Variants in PREP observed in about 807,000 individuals in gnomAD.
PREP encodes the protein prolyl endopeptidase.
PREP carries 29 observed loss-of-function variants against 87.6 expected under a neutral mutation model. That is an observed-to-expected ratio of 0.33 (90% confidence interval 0.25 to 0.45). The LOEUF is 0.45. PREP is among the 20% of genes least tolerant of loss of function. The pLI, the probability that PREP is intolerant of heterozygous loss-of-function variation, is 1.00. For synonymous variants in PREP, 337 were observed against 328.6 expected (o/e 1.03, Z -0.28); for missense variants, 695 against 886.5 (o/e 0.78, Z 2.74).
At chr6:105,377,689 C>G (rs1445130178) in intron 2 of PREP, among the ~76,000 whole-genome samples, 170 bp from the exon 3 acceptor site, 1 of 152,204 alleles carries the variant, frequency 6.6e-6, no homozygotes, top group Non-Finnish European at 1.5e-5. Flanking sequence ...CTGCCCAGCT[C>G]CTGCCAAGTG....
rs1488378336 is a variant in PREP, at chr6:105,373,786, C to T, written c.386-208G>A. 2.6e-5 allele frequency among the ~76,000 whole-genome samples: 4 copies of T among 152,310 alleles called. No individual in the cohort carries two copies. The East Asian group carries it at 7.7e-4, about 29-fold the overall frequency. On this transcript the variant is annotated intron_variant, in intron 4 of 14. Transcript: ENST00000652536. ...ACCTTAGACAAGCTTCCTAACCTCTCCAGGTCTTAATTTGTCTATAAAATG... is the reference window on the plus strand; with the variant it reads ...ACCTTAGACAAGCTTCCTAACCTCTTCAGGTCTTAATTTGTCTATAAAATG...
chr6:105,370,817 C>T (rs1031315155), intron 5 of PREP, among the ~76,000 whole-genome samples: 1 of 151,962 alleles, frequency 6.6e-6, no homozygotes, highest in East Asian at 1.9e-4. Flanking sequence ...CTGGAAAAGA[C>T]AAAACTATAA....
At chr6:105,402,826 G>A (rs1773470455) in intron 1 of PREP, 21 bp downstream of exon 1, 2 of 1,538,574 alleles carry the variant, frequency 1.3e-6, no homozygotes, top group Non-Finnish European at 1.8e-6. Context: ...GAGCCCTCTG[G>A]GCGGAGGCAG....
intron 10 of PREP, among the ~76,000 whole-genome samples, chr6:105,312,288 C>T (rs1196599706): frequency 2.0e-5 from 3 of 152,148 alleles, no homozygotes; most frequent in Non-Finnish European, 4.4e-5. Flanking sequence ...CAAATGTACA[C>T]ACATAGAGGC....
intron 9 of PREP, 47 bp from the exon 10 acceptor site, chr6:105,323,815 T>C (rs749644663): frequency 6.8e-7 from 1 of 1,467,984 alleles, no homozygotes; most frequent in Non-Finnish European, 9.5e-7. Context: ...ACTCACTAGA[T>C]TCAAAGGGGG....
At chr6:105,305,825 C>T (rs913513641) in intron 10 of PREP, among the ~76,000 whole-genome samples, 6 of 145,334 alleles carry the variant, frequency 4.1e-5, no homozygotes, top group African/African-American at 5.1e-5. Context: ...TACTTTTAAT[C>T]TTACAGATAT....
At chr6:105,400,292 G>A (rs1253890915) in intron 1 of PREP, among the ~76,000 whole-genome samples, 1 of 152,112 alleles carries the variant, frequency 6.6e-6, no homozygotes, top group South Asian at 2.1e-4. Context: ...TATTTTACTT[G>A]TACTGTTCAA....
chr6:105,367,722 C>T (rs1772427358), intron 6 of PREP, among the ~76,000 whole-genome samples: 1 of 151,696 alleles, frequency 6.6e-6, no homozygotes, highest in Non-Finnish European at 1.5e-5. Context: ...AACAAAATGT[C>T]CTATAAATTT....
Position 105,276,824 on chromosome 6 carries a change from T to C in PREP, c.*1320A>G, listed in dbSNP as rs1039277517. Reference sequence around the variant, plus strand: ...TAATTTTTGACCATAACTTGAAACGTAGAGAATGAGAGAGTGCTCTTAAAA... The same window carrying C: ...TAATTTTTGACCATAACTTGAAACGCAGAGAATGAGAGAGTGCTCTTAAAA... On this transcript the variant is annotated 3_prime_UTR_variant, in exon 15 of 15. Transcript: ENST00000652536. Among the ~76,000 whole-genome samples, 2 of 152,292 alleles carry C rather than the reference T, an allele frequency of 1.3e-5. No individual in the cohort carries two copies. The highest frequency in any genetic ancestry group is 2.1e-4 in the South Asian group (1 of 4,830).
intron 8 of PREP, 60 bp downstream of exon 8, chr6:105,333,254 A>G: frequency 6.7e-7 from 1 of 1,482,784 alleles, no homozygotes; most frequent in Non-Finnish European, 9.4e-7. Context: ...GAGACGCACT[A>G]ACTTGTTGAT....
intron 2 of PREP, among the ~76,000 whole-genome samples, chr6:105,379,607 G>C (rs1772782971): frequency 6.6e-6 from 1 of 152,194 alleles, no homozygotes; most frequent in South Asian, 2.1e-4. Flanking sequence ...AAAGGATGTG[G>C]AGATGAAGCA....
intron 10 of PREP, among the ~76,000 whole-genome samples, chr6:105,308,928 G>A (rs1396522439): frequency 5.9e-5 from 9 of 152,112 alleles, no homozygotes; most frequent in Admixed American, 3.9e-4. Context: ...AGGATGGAGA[G>A]CGAAGGAGTC....
chr6:105,276,050 A>G lies in PREP; in HGVS notation c.*2094T>C, dbSNP rs560867383. ...AAAGAGCCAAAGGGCAGAGCACAGG[A>G]TACAGAAAAGTGGGATCAAATAGAG... On this transcript the variant is annotated 3_prime_UTR_variant, in exon 15 of 15. Transcript: ENST00000652536. 6.6e-6 allele frequency among the ~76,000 whole-genome samples: 1 copy of G among 152,374 alleles called. No individual in the cohort carries two copies. The highest frequency in any genetic ancestry group is 1.9e-4 in the East Asian group (1 of 5,190).
intron 2 of PREP, among the ~76,000 whole-genome samples, chr6:105,380,041 T>C (rs1379408446): frequency 6.6e-6 from 1 of 152,232 alleles, no homozygotes; most frequent in Admixed American, 6.5e-5. Flanking sequence ...GACATTACTA[T>C]GGCATCTTCA....
At chr6:105,373,656 T>C in intron 4 of PREP, 78 bp from the exon 5 acceptor site, 9 of 1,346,346 alleles carry the variant, frequency 6.7e-6, no homozygotes, top group Non-Finnish European at 8.3e-6. Context: ...CTAACAAAGC[T>C]CTCTTTCATA....
At chr6:105,352,890 G>A (rs1771995727) in intron 7 of PREP, 82 bp downstream of exon 7, 2 of 1,259,676 alleles carry the variant, frequency 1.6e-6, no homozygotes, top group African/African-American at 1.5e-5. Flanking sequence ...GAGGGTCTTG[G>A]GAAATCAATT....
chr6:105,367,818 G>A (rs950901360), intron 6 of PREP, among the ~76,000 whole-genome samples: 1 of 152,134 alleles, frequency 6.6e-6, no homozygotes, highest in Non-Finnish European at 1.5e-5. Flanking sequence ...GAGCCATACG[G>A]ACTTCTGTGG....
rs993778975 is a variant in PREP at position 105,276,293 on chromosome 6, T to C, written c.*1851A>G. On this transcript the variant is annotated 3_prime_UTR_variant, in exon 15 of 15. Transcript: ENST00000652536. The stretch of plus-strand genomic sequence containing the variant: ...CTGTATTCCTCCTCCTCCTCATCAG[T>C]TGCTAAGTGACATTTGGGATTTGAA... Among the ~76,000 whole-genome samples the C allele has an allele frequency of 2.0e-5, 3 of 152,240 alleles. No individual in the cohort carries two copies. The highest frequency in any genetic ancestry group is 6.5e-5 in the Admixed American group (1 of 15,286).
chr6:105,329,070 T>C lies in PREP; in HGVS notation c.1016-44A>G, dbSNP rs1771251470. ...AAAAAACCTAATGCAATTTAAAAAA[T>C]TAATGAAAACACATTTAATTGAGCA... On this transcript the variant is annotated intron_variant, in intron 8 of 14. Coordinates refer to ENST00000652536, the MANE Select transcript of PREP (RefSeq NM_002726.5). 3 of 1,544,390 alleles carry C rather than the reference T, an allele frequency of 1.9e-6. No individual in the cohort carries two copies. In the South Asian group the frequency reaches 3.4e-5, roughly 17 times the overall value.
Sources: gnomAD v4.1 joint callset for allele counts (sites outside exome capture counted in the v4.1 genomes callset) on GRCh38, gnomAD v4.1.1 for gene constraint, MANE v1.5 for transcripts, NCBI Gene and HGNC (gene_info 2026-07-23, HGNC 2026-07-21) for gene names.